Variants in MALRD1 observed in about 807,000 individuals in gnomAD.
MALRD1 encodes the protein MAM and LDL-receptor class A domain-containing protein 1.
MALRD1 carries 247 observed loss-of-function variants against 242.1 expected under a neutral mutation model. The ratio of observed to expected loss-of-function variants is 1.02; its 90% confidence interval spans 0.92 to 1.13. MALRD1 has a LOEUF of 1.13. MALRD1 is among the 50% of genes most tolerant of loss of function. The pLI is 0.00. For synonymous variants in MALRD1, 995 were observed against 866.6 expected (o/e 1.15, Z -2.60); for missense variants, 2,989 against 2,533.1 (o/e 1.18, Z -3.86).
At position 19,312,509 on chromosome 10, in the gene MALRD1, C is replaced by A. The variant is rs543662262; in HGVS notation, c.3420-11440C>A. Among the ~76,000 whole-genome samples the A allele has an allele frequency of 4.0e-5, 6 of 150,570 alleles. No homozygotes were observed. The East Asian group carries it at 1.2e-3, about 30-fold the overall frequency. On this transcript the variant is annotated intron_variant, in intron 21 of 39. Coordinates refer to ENST00000454679, the MANE Select transcript of MALRD1 (RefSeq NM_001142308.3). ...GATTAAAATTTGAAAGCATCGTAGT[C>A]TTTAACATCTAGAAAAGTGTTTCAA...
intron 24 of MALRD1, among the ~76,000 whole-genome samples, chr10:19,338,979 G>GTA (rs1410605968): frequency 9.4e-5 from 14 of 148,578 alleles, no homozygotes; most frequent in East Asian, 1.9e-4. Flanking sequence ...ACAACTATGT[G>GTA]TATATATATA....
chr10:19,246,052 G>T (rs900442280), intron 18 of MALRD1, among the ~76,000 whole-genome samples: 1 of 152,096 alleles, frequency 6.6e-6, no homozygotes, highest in Non-Finnish European at 1.5e-5. Context: ...TTTGTTAATG[G>T]TGAAGATTTT....
rs149425848 is a variant in MALRD1 at position 19,352,187 on chromosome 10, T to G, written c.4331T>G (p.Val1444Gly). Reference sequence around the variant, plus strand: ...TTCCAACTCAAATTTGAAGGTAGAGTTGGGAAAGGTCAGCGTGGAGACATT... The same window carrying G: ...TTCCAACTCAAATTTGAAGGTAGAGGTGGGAAAGGTCAGCGTGGAGACATT... ...EDFQLKFEGR[V>G]GKGQRGDIAL... Residue 1444 changes from valine to glycine, a missense_variant, in exon 26 of 40, where the codon GTT (valine) becomes GGT (glycine). Physicochemically the swap from Val to Gly is moderately radical, Grantham distance 109 (BLOSUM62 -3). Coordinates refer to ENST00000454679, the MANE Select transcript of MALRD1 (RefSeq NM_001142308.3). 34 of 1,550,382 alleles carry G rather than the reference T, an allele frequency of 2.2e-5. No homozygotes were observed. Among genetic ancestry groups the G allele is most frequent in the Middle Eastern group, 3.3e-4 (2 of 5,990 alleles).
intron 18 of MALRD1, among the ~76,000 whole-genome samples, chr10:19,218,331 G>A (rs1411254626): frequency 6.6e-6 from 1 of 152,058 alleles, no homozygotes; most frequent in Non-Finnish European, 1.5e-5. Flanking sequence ...CCCTGAATAT[G>A]CTAAGACGTC....
chr10:19,401,362 A>G (rs773487818), intron 28 of MALRD1, among the ~76,000 whole-genome samples: 2 of 152,122 alleles, frequency 1.3e-5, no homozygotes, highest in Non-Finnish European at 2.9e-5. Context: ...AACTTCTAAC[A>G]TAATGTATTT....
At chr10:19,119,182 G>A (rs1013705029) in intron 5 of MALRD1, among the ~76,000 whole-genome samples, 6 of 152,178 alleles carry the variant, frequency 3.9e-5, no homozygotes, top group East Asian at 3.9e-4. Flanking sequence ...CAAATTTCTC[G>A]CCTTAACTAG....
At chr10:19,541,525 A>G (rs1834970215) in intron 32 of MALRD1, among the ~76,000 whole-genome samples, 1 of 152,232 alleles carries the variant, frequency 6.6e-6, no homozygotes, top group African/African-American at 2.4e-5. Context: ...GTGTTATAGC[A>G]GTAGTTAAAA....
intron 36 of MALRD1, among the ~76,000 whole-genome samples, chr10:19,668,996 C>G (rs1427826489): frequency 6.6e-6 from 1 of 152,180 alleles, no homozygotes; most frequent in Non-Finnish European, 1.5e-5. Context: ...CCAAGGCCCT[C>G]CACAGGGAAA....
intron 32 of MALRD1, among the ~76,000 whole-genome samples, chr10:19,563,391 A>G (rs1038218968): frequency 6.6e-6 from 1 of 152,200 alleles, no homozygotes; most frequent in African/African-American, 2.4e-5. Context: ...AAACTAACCC[A>G]TAGGCAACTA....
intron 1 of MALRD1, among the ~76,000 whole-genome samples, chr10:19,059,250 G>A (rs1373929008): frequency 6.6e-6 from 1 of 152,086 alleles, no homozygotes; most frequent in Non-Finnish European, 1.5e-5. Context: ...TATATGCATT[G>A]TACTTAAAAA....
intron 31 of MALRD1, among the ~76,000 whole-genome samples, chr10:19,501,714 T>C (rs186158129): frequency 6.6e-6 from 1 of 151,954 alleles, no homozygotes; most frequent in African/African-American, 2.4e-5. Flanking sequence ...AGGGTTAAAG[T>C]AGAGGAGGAA....
At chr10:19,598,044 C>T (rs1179455571) in intron 34 of MALRD1, among the ~76,000 whole-genome samples, 2 of 152,096 alleles carry the variant, frequency 1.3e-5, no homozygotes, top group Non-Finnish European at 2.9e-5. Flanking sequence ...AGAATCCTCA[C>T]CACCCTGCCA....
chr10:19,631,058 A>T (rs1839875443), intron 36 of MALRD1, among the ~76,000 whole-genome samples: 1 of 152,168 alleles, frequency 6.6e-6, no homozygotes. Context: ...AACTCATGTC[A>T]TGGAGGTTTG....
At chr10:19,619,830 T>A (rs997164943) in intron 36 of MALRD1, among the ~76,000 whole-genome samples, 4 of 151,944 alleles carry the variant, frequency 2.6e-5, no homozygotes, top group African/African-American at 9.7e-5. Flanking sequence ...CTTAAAAATG[T>A]CATGGTTAAT....
At chr10:19,194,873 C>T (rs773734399) in intron 14 of MALRD1, among the ~76,000 whole-genome samples, 4 of 152,178 alleles carry the variant, frequency 2.6e-5, no homozygotes, top group Non-Finnish European at 5.9e-5. Context: ...ATTCTTAGCC[C>T]TCATCCTGAT....
At chr10:19,668,563 A>G (rs1203551770) in intron 36 of MALRD1, among the ~76,000 whole-genome samples, 2 of 152,234 alleles carry the variant, frequency 1.3e-5, no homozygotes, top group African/African-American at 4.8e-5. Flanking sequence ...TTCTGATAGA[A>G]AAATATAACC....
chr10:19,071,783 G>C (rs1293326299), intron 2 of MALRD1, among the ~76,000 whole-genome samples: 1 of 152,102 alleles, frequency 6.6e-6, no homozygotes, highest in East Asian at 1.9e-4. Flanking sequence ...ACCAAACATG[G>C]AGACAAGAAT....
chr10:19,198,421 T>A (rs1250974330), intron 14 of MALRD1, among the ~76,000 whole-genome samples: 1 of 152,206 alleles, frequency 6.6e-6, no homozygotes, highest in Non-Finnish European at 1.5e-5. Flanking sequence ...CTTATGGAAC[T>A]AAAATCTTTT....
chr10:19,716,105 G>T lies in MALRD1; in HGVS notation c.6315-14601G>T, dbSNP rs574881061. 2.6e-5 allele frequency among the ~76,000 whole-genome samples: 4 copies of T among 152,314 alleles called. No individual in the cohort carries two copies. The East Asian group carries it at 7.7e-4, about 29-fold the overall frequency. The stretch of plus-strand genomic sequence containing the variant: ...AAACAAACCTTTAGTGAGGGCTAGT[G>T]TGGGATTCTTATGTCTACTTCTTCA... On this transcript the variant is annotated intron_variant, in intron 38 of 39. Transcript: ENST00000454679.
Sources: allele counts gnomAD v4.1 joint callset (sites outside exome capture counted in the v4.1 genomes callset), GRCh38; gene constraint gnomAD v4.1.1; transcripts MANE v1.5; gene names NCBI Gene and HGNC (gene_info 2026-07-23, HGNC 2026-07-21).